MYB: variants seen among roughly 807,000 people sequenced by gnomAD.
MYB encodes the protein MYB proto-oncogene, transcription factor.
Under a neutral mutation model 92.9 loss-of-function variants are expected in MYB, and 28 were observed. That is an observed-to-expected ratio of 0.30 (90% CI 0.22 to 0.41). The LOEUF (loss-of-function observed/expected upper bound fraction) is 0.41, where lower values mean the gene tolerates loss of function less well. Among genes scored for constraint, MYB ranks in the 10% least tolerant of loss-of-function variants. The pLI, the probability that MYB is intolerant of heterozygous loss-of-function variation, is 1.00. For missense variants in MYB, 679 were observed against 929.3 expected (o/e 0.73, Z 3.50); for synonymous variants, 295 against 329.1 (o/e 0.90, Z 1.12).
rs905478523 is a variant in MYB at position 135,199,126 on chromosome 6, G to A, written c.1709+76G>A. The A allele has an allele frequency of 8.2e-6, 10 of 1,222,910 alleles. No individual in the cohort carries two copies. In the African/African-American group the frequency reaches 1.2e-4, roughly 15 times the overall value. The allele number at this position is 1,222,910 out of a possible 1,614,324, so 75.8% of individuals were successfully genotyped here. ...AATTAATGGAATATAGTTCCCAGAT[G>A]TCTGATCCACTTGTATGTGCATAAT... On this transcript the variant is annotated intron_variant, in intron 11 of 15. Transcript: ENST00000341911.
At chr6:135,199,530 G>A in intron 11 of MYB, 1 of 1,064,190 alleles carries the variant, frequency 9.4e-7, no homozygotes. Flanking sequence ...GTGTAGATAG[G>A]ACCTCTTCTG....
chr6:135,200,988 A>G (rs578209726), intron 13 of MYB, among the ~76,000 whole-genome samples: 3 of 152,228 alleles, frequency 2.0e-5, no homozygotes, highest in Admixed American at 6.5e-5. Context: ...CTGAAGCAGG[A>G]TTATGGTGTG....
In MYB at chr6:135,182,434, C is replaced by T. The variant is rs1250329118; in HGVS notation, c.23+898C>T. On this transcript the variant is annotated intron_variant, in intron 1 of 15. Transcript: ENST00000341911. This position sits in a 1 kb window ranked among gnomAD's most constrained non-coding sequence, Gnocchi z 5.6. ...CGGGTGCCAGGGCTAGCTCGGCAGCCGTCGCAGTCGCCACTCGGCTCAAGG... is the reference window on the plus strand; with the variant it reads ...CGGGTGCCAGGGCTAGCTCGGCAGCTGTCGCAGTCGCCACTCGGCTCAAGG... Among the ~76,000 whole-genome samples the T allele has an allele frequency of 6.6e-6, 1 of 152,110 alleles. No homozygotes were observed. Among genetic ancestry groups the T allele is most frequent in the African/African-American group, 2.4e-5 (1 of 41,442 alleles).
At chr6:135,210,689 A>G (rs1351440422) in intron 15 of MYB, among the ~76,000 whole-genome samples, 3 of 152,258 alleles carry the variant, frequency 2.0e-5, no homozygotes, top group Non-Finnish European at 4.4e-5. Context: ...ACTTTAATTC[A>G]TCAAGTGAAC....
chr6:135,212,199 CAT>C (rs1779797382), intron 15 of MYB, among the ~76,000 whole-genome samples: 1 of 136,826 alleles, frequency 7.3e-6, no homozygotes, highest in African/African-American at 2.8e-5. Flanking sequence ...AACATGATAC[CAT>C]CTGATGAGTT....
At chr6:135,215,066 G>A (rs973142604) in intron 15 of MYB, among the ~76,000 whole-genome samples, 14 of 152,204 alleles carry the variant, frequency 9.2e-5, no homozygotes, top group African/African-American at 7.2e-5. Context: ...AGCTTGCAGA[G>A]TGAACATTTC....
At position 135,213,816 on chromosome 6, in the gene MYB, T is replaced by C. The variant is rs73555753; in HGVS notation, c.2170-4048T>C. Among the ~76,000 whole-genome samples the C allele has an allele frequency of 3.4e-3, 520 of 152,234 alleles. 3 individuals carry two copies. The highest frequency in any genetic ancestry group is 0.012 in the African/African-American group (501 of 41,520). ...GGAGAATCAACTTTAACCCCGGATATGGAGGCTGCAGTGAGCTGTGATCAT... is the reference window on the plus strand; with the variant it reads ...GGAGAATCAACTTTAACCCCGGATACGGAGGCTGCAGTGAGCTGTGATCAT... On this transcript the variant is annotated intron_variant, in intron 15 of 15. Transcript: ENST00000341911.
At position 135,198,553 on chromosome 6, in the gene MYB, TATTA is replaced by T. The variant is rs1326471881; in HGVS notation, c.1567-350_1567-347del. On this transcript the variant is annotated intron_variant, in intron 10 of 15. Coordinates refer to ENST00000341911, the MANE Select transcript of MYB (RefSeq NM_001130173.2). ...GAAAAAACAAAGTATGAAAGGAAAC[TATTA>T]ATTATTAACTATTATTTTCCCCAAA... 2.6e-5 allele frequency among the ~76,000 whole-genome samples: 4 copies of T among 152,356 alleles called. No homozygotes were observed. The East Asian group carries it at 7.7e-4, about 29-fold the overall frequency.
chr6:135,193,939 C>G, intron 7 of MYB, 21 bp downstream of exon 7: 1 of 1,539,050 alleles, frequency 6.5e-7, no homozygotes. Context: ...TGATCATTCA[C>G]TGTTCAAAGC....
intron 2 of MYB, among the ~76,000 whole-genome samples, chr6:135,186,602 A>G (rs1775947945): frequency 6.6e-6 from 1 of 152,246 alleles, no homozygotes; most frequent in South Asian, 2.1e-4. Flanking sequence ...AGAATAAAAC[A>G]AAACACTCAG....
In MYB at chr6:135,212,224, C is replaced by CTT. The variant is rs545704827; in HGVS notation, c.2170-5608_2170-5607dup. The stretch of plus-strand genomic sequence containing the variant: ...CATCTGATGAGTTGCTTTGGTTTTA[C>CTT]TTTTTTTTTTTTTTTTTTTTTTTTT... On this transcript the variant is annotated intron_variant, in intron 15 of 15. Transcript: ENST00000341911. Among the ~76,000 whole-genome samples, 298 of 32,840 alleles carry CTT rather than the reference C, an allele frequency of 9.1e-3. 16 individuals carry two copies. Among genetic ancestry groups the CTT allele is most frequent in the Non-Finnish European group, 0.011 (214 of 18,678 alleles). The allele number at this position is 32,840 out of a possible 152,430, so 21.5% of individuals were successfully genotyped here. A position where few individuals can be genotyped will look rare whatever the true frequency, so the allele number is the denominator to read the frequency against.
In MYB at chr6:135,196,973, T is replaced by C; in HGVS notation, c.1216T>C (p.Trp406Arg). ...CACATTGTTTCAGGATTCTTCATCA[T>C]GGTGTGATCTCAGCAGTTTTGAATT... The part of the protein sequence containing the change: ...LQFIDSDSSS[W>R]CDLSSFEFFE... The change falls in exon 10 of 16, where the codon TGG becomes CGG. Residue 406 changes from tryptophan to arginine, a missense_variant. This residue lies in a region of MYB where 402 missense variants were observed against 434.2 expected (regional missense o/e 0.93). Transcript: ENST00000341911. 5.0e-6 allele frequency: 8 copies of C among 1,613,020 alleles called. No individual in the cohort carries two copies. Among genetic ancestry groups the C allele is most frequent in the Non-Finnish European group, 6.8e-6 (8 of 1,179,476 alleles).
At chr6:135,200,544 G>A in intron 13 of MYB, 129 bp downstream of exon 13, 1 of 1,395,750 alleles carries the variant, frequency 7.2e-7, no homozygotes, top group Non-Finnish European at 1.0e-6. Flanking sequence ...TTTCATACAA[G>A]GTGCAGCGAA....
chr6:135,197,309 TTCTC>T lies in MYB; in HGVS notation c.1555_1558del (p.Ser519ProfsTer5). On this transcript the variant is annotated frameshift_variant, in exon 10 of 16. Transcript: ENST00000341911. LOFTEE classifies it high-confidence loss of function. ...GCGTTCCCCTGTCAAAAGCCTACCC[TTCTC>T]TCCCTCGCAGGTAGAACACAATTTC... The T allele has an allele frequency of 6.2e-7, 1 of 1,610,586 alleles. No homozygotes were observed. The highest frequency in any genetic ancestry group is 8.5e-7 in the Non-Finnish European group (1 of 1,177,876).
chr6:135,196,374 T>C (rs1777312111), intron 9 of MYB, among the ~76,000 whole-genome samples: 1 of 152,176 alleles, frequency 6.6e-6, no homozygotes, highest in South Asian at 2.1e-4. Flanking sequence ...TTTTCTTTGC[T>C]TACTTCATGG....
chr6:135,203,030 G>A, intron 14 of MYB, 187 bp from the exon 15 acceptor site: 1 of 703,194 alleles, frequency 1.4e-6, no homozygotes, highest in Admixed American at 2.0e-5. Context: ...GCCACAATGG[G>A]ATTAAGGTTC....
rs773154548 is a variant in MYB, at chr6:135,195,999, T to C, written c.1200T>C (p.Asp400=). ...LEFAETLQFI[D]SDSSSWCDLS... is the part of the protein sequence containing the mutation. The stretch of plus-strand genomic sequence containing the variant: ...TTGCAGAAACACTCCAATTTATAGA[T>C]TCTGTAAGTAGAATTGTGAAGGGAA... Residue 400 remains aspartate, a synonymous_variant, in exon 9 of 16, where the codon GAT becomes GAC. Transcript: ENST00000341911. 1.2e-6 allele frequency: 2 copies of C among 1,611,776 alleles called. No homozygotes were observed. Among genetic ancestry groups the C allele is most frequent in the Non-Finnish European group, 8.5e-7 (1 of 1,177,984 alleles).
chr6:135,210,517 G>T (rs1779564267), intron 15 of MYB, among the ~76,000 whole-genome samples: 1 of 152,216 alleles, frequency 6.6e-6, no homozygotes, highest in Admixed American at 6.5e-5. Flanking sequence ...GCGTGTTTTA[G>T]ATTGCTCCTA....
In MYB at chr6:135,189,818, C is replaced by T; in HGVS notation, c.241C>T (p.Arg81Ter). 6.2e-7 allele frequency: 1 copy of T among 1,613,948 alleles called. No individual in the cohort carries two copies. Among genetic ancestry groups the T allele is most frequent in the Non-Finnish European group, 8.5e-7 (1 of 1,179,846 alleles). ...PNRTDVQCQH[R>*]WQKVLNPELI... ...TCGAACAGATGTGCAGTGCCAGCAC[C>T]GATGGCAGAAAGTACTAAACCCTGA... Residue 81 changes from arginine to a stop codon, truncating the protein, a stop_gained, in exon 4 of 16, where the codon CGA becomes TGA. Transcript: ENST00000341911. LOFTEE classifies it high-confidence loss of function.
Sources: allele counts gnomAD v4.1 joint callset (sites outside exome capture counted in the v4.1 genomes callset), GRCh38; gene constraint gnomAD v4.1.1; regional missense constraint gnomAD v4.1.1; non-coding constraint Gnocchi (gnomAD v3.1); transcripts MANE v1.5; gene names NCBI Gene and HGNC (gene_info 2026-07-23, HGNC 2026-07-21).